Variants in DPP6 observed in about 807,000 individuals in gnomAD.
DPP6 encodes A-type potassium channel modulatory protein DPP6.
DPP6 carries 69 observed loss-of-function variants against 122.6 expected under a neutral mutation model. The ratio of observed to expected loss-of-function variants is 0.56; its 90% CI spans 0.46 to 0.69. The LOEUF is 0.69. DPP6 is among the 30% of genes least tolerant of loss of function. The pLI is 0.00. For missense variants in DPP6, 928 were observed against 1,116.9 expected (o/e 0.83, Z 2.41); for synonymous variants, 418 against 433.1 (o/e 0.97, Z 0.43).
At chr7:154,566,164 C>G (rs1201007031) in intron 4 of DPP6, among the ~76,000 whole-genome samples, 2 of 152,286 alleles carry the variant, frequency 1.3e-5, no homozygotes, top group Non-Finnish European at 2.9e-5. Flanking sequence ...AGTAACAACT[C>G]TGCTTATTAT....
intron 1 of DPP6, chr7:154,026,590 C>G (rs892190723): frequency 1.3e-5 from 2 of 152,110 alleles, no homozygotes; most frequent in Admixed American, 1.3e-4. Context: ...CAACTCAGTC[C>G]TTTTCTGGTG....
chr7:154,800,727 C>T (rs554380208), intron 12 of DPP6, among the ~76,000 whole-genome samples: 68 of 152,332 alleles, frequency 4.5e-4, no homozygotes, highest in African/African-American at 1.5e-3. Flanking sequence ...GAGCGTGTCC[C>T]TGGGACTGCT....
rs1380966739 is a variant in DPP6 at position 153,913,963 on chromosome 7, CAG to C, written c.51+26235_51+26236del. 2.0e-5 allele frequency among the ~76,000 whole-genome samples: 3 copies of C among 152,290 alleles called. No homozygotes were observed. The East Asian group carries it at 5.8e-4, about 29-fold the overall frequency. ...TTGCTTCTCCTATTGTCTGAATAGC[CAG>C]AGAGAATACTTGCACTTACTATTCA... is the stretch of plus-strand genomic sequence containing the variant. On this transcript the variant is annotated intron_variant, in intron 1 of 25. Transcript: ENST00000404039.
At position 154,790,221 on chromosome 7, in the gene DPP6, T is replaced by A. The variant is rs533263037; in HGVS notation, c.1137-3858T>A. Among the ~76,000 whole-genome samples, 5 of 152,284 alleles carry A rather than the reference T, an allele frequency of 3.3e-5. No individual in the cohort carries two copies. In the South Asian group the frequency reaches 1.0e-3, roughly 32 times the overall value. On this transcript the variant is annotated intron_variant, in intron 10 of 25. Transcript: ENST00000377770. The stretch of plus-strand genomic sequence containing the variant: ...TAAAAAACATAAAAAATCAAGTGTA[T>A]TTGGCACCAGGTATAGTCACTGATG...
chr7:153,974,491 G>A (rs1455394439), intron 1 of DPP6, among the ~76,000 whole-genome samples: 2 of 152,024 alleles, frequency 1.3e-5, no homozygotes, highest in South Asian at 2.1e-4. Flanking sequence ...TCCTGATTCC[G>A]AATCATAAAT....
intron 1 of DPP6, among the ~76,000 whole-genome samples, chr7:154,287,581 G>A (rs1242426654): frequency 6.6e-6 from 1 of 152,156 alleles, no homozygotes; most frequent in African/African-American, 2.4e-5. Context: ...GATCAACAGG[G>A]GAGCTGAGGA....
At chr7:154,142,586 A>G (rs1201155519) in intron 1 of DPP6, among the ~76,000 whole-genome samples, 3 of 152,184 alleles carry the variant, frequency 2.0e-5, no homozygotes, top group Non-Finnish European at 4.4e-5. Context: ...CAATGTTTAT[A>G]CATGTTACTT....
At chr7:153,976,045 CTGTTAT>C (rs1481596125) in intron 1 of DPP6, among the ~76,000 whole-genome samples, 2 of 152,114 alleles carry the variant, frequency 1.3e-5, no homozygotes, top group Non-Finnish European at 2.9e-5. Context: ...GCTACTGTTA[CTGTTAT>C]TATTACCTGC....
intron 6 of DPP6, among the ~76,000 whole-genome samples, chr7:154,646,356 C>T (rs533625838): frequency 2.0e-5 from 3 of 152,254 alleles, no homozygotes; most frequent in African/African-American, 7.2e-5. Flanking sequence ...GCTCCCAAAC[C>T]CGGAATGTGT....
intron 1 of DPP6, among the ~76,000 whole-genome samples, chr7:154,085,843 T>C (rs1301502763): frequency 6.6e-6 from 1 of 152,216 alleles, no homozygotes; most frequent in African/African-American, 2.4e-5. Flanking sequence ...TTCTTCTGCC[T>C]CAGCCTCCCA....
At chr7:154,109,658 TTGA>T (rs1419538556) in intron 1 of DPP6, among the ~76,000 whole-genome samples, 2 of 152,236 alleles carry the variant, frequency 1.3e-5, no homozygotes, top group Non-Finnish European at 2.9e-5. Context: ...AAATATTTTA[TTGA>T]TGATGTGTGC....
intron 5 of DPP6, among the ~76,000 whole-genome samples, chr7:154,612,081 A>G (rs1416350883): frequency 6.6e-6 from 1 of 152,182 alleles, no homozygotes; most frequent in African/African-American, 2.4e-5. Flanking sequence ...TGAGTCTGTG[A>G]GCTTGCTGTC....
chr7:154,747,574 C>T (rs1843093448), intron 8 of DPP6, among the ~76,000 whole-genome samples: 1 of 152,166 alleles, frequency 6.6e-6, no homozygotes, highest in African/African-American at 2.4e-5. Context: ...GTTAGTCTAG[C>T]ATTGCTAGTC....
intron 7 of DPP6, among the ~76,000 whole-genome samples, chr7:154,708,071 A>G (rs1439143101): frequency 1.3e-5 from 2 of 152,226 alleles, no homozygotes; most frequent in African/African-American, 4.8e-5. Context: ...GGCAAAATAG[A>G]GTCAGTATTT....
At chr7:154,164,109 G>A (rs374199297) in intron 1 of DPP6, among the ~76,000 whole-genome samples, 5 of 151,972 alleles carry the variant, frequency 3.3e-5, no homozygotes, top group Non-Finnish European at 7.4e-5. Flanking sequence ...TCAGGTTCAG[G>A]TCTTGGGCCA....
chr7:154,531,793 T>C (rs1029186363), intron 3 of DPP6, among the ~76,000 whole-genome samples: 1 of 152,176 alleles, frequency 6.6e-6, no homozygotes, highest in African/African-American at 2.4e-5. Flanking sequence ...CCTGAAAGCT[T>C]AACAGGTTTC....
intron 1 of DPP6, among the ~76,000 whole-genome samples, chr7:154,369,346 G>C (rs886358494): frequency 1.3e-5 from 2 of 152,030 alleles, no homozygotes; most frequent in African/African-American, 2.4e-5. Flanking sequence ...GCTGAAGTTT[G>C]TAACTAACTT....
intron 1 of DPP6, among the ~76,000 whole-genome samples, chr7:154,289,840 G>A (rs1174200932): frequency 6.6e-6 from 1 of 152,164 alleles, no homozygotes; most frequent in Non-Finnish European, 1.5e-5. Flanking sequence ...CCATGGGTAG[G>A]GTACTGAGGC....
At chr7:154,097,652 C>G in intron 1 of DPP6, among the ~76,000 whole-genome samples, 1 of 152,246 alleles carries the variant, frequency 6.6e-6, no homozygotes, top group East Asian at 1.9e-4. Flanking sequence ...ACATTTGTTA[C>G]CCACAGGGTC....
Sources: gnomAD v4.1 joint callset for allele counts (sites outside exome capture counted in the v4.1 genomes callset) on GRCh38, gnomAD v4.1.1 for gene constraint, MANE v1.5 for transcripts, NCBI Gene and HGNC (gene_info 2026-07-23, HGNC 2026-07-21) for gene names.